BCKDHB: variants seen among roughly 807,000 people sequenced by gnomAD.
BCKDHB encodes the protein branched chain keto acid dehydrogenase E1 subunit beta, also known as 2-oxoisovalerate dehydrogenase subunit beta, mitochondrial.
A neutral mutation model predicts 48.5 loss-of-function variants in BCKDHB; 41 were observed. That is an observed-to-expected ratio of 0.85 (90% CI 0.66 to 1.10). BCKDHB has a LOEUF of 1.10. Among genes scored for constraint, BCKDHB ranks in the 50% least tolerant of loss-of-function variants. BCKDHB has a pLI of 0.00. For synonymous variants in BCKDHB, 201 were observed against 174.8 expected (o/e 1.15, Z -1.18); for missense variants, 496 against 494.2 (o/e 1.00, Z -0.03).
chr6:80,209,831 A>G (rs550764139), intron 8 of BCKDHB, among the ~76,000 whole-genome samples: 1 of 152,168 alleles, frequency 6.6e-6, no homozygotes, highest in South Asian at 2.1e-4. Flanking sequence ...TATTCATCAA[A>G]AGGGTGCCAA....
intron 8 of BCKDHB, among the ~76,000 whole-genome samples, chr6:80,211,206 A>G (rs779288878): frequency 6.6e-6 from 1 of 152,212 alleles, no homozygotes; most frequent in Non-Finnish European, 1.5e-5. Context: ...AGAAGAAAAA[A>G]CTGACACTTA....
intron 6 of BCKDHB, among the ~76,000 whole-genome samples, chr6:80,171,768 C>T (rs1448965108): frequency 6.6e-6 from 1 of 152,054 alleles, no homozygotes; most frequent in Non-Finnish European, 1.5e-5. Flanking sequence ...TCATTTAAAT[C>T]AGGATACCTT....
rs562759158 is a variant in BCKDHB, at chr6:80,118,027, G to A, written c.197-9520G>A. 2.0e-5 allele frequency among the ~76,000 whole-genome samples: 3 copies of A among 152,268 alleles called. No homozygotes were observed. The East Asian group carries it at 5.8e-4, about 29-fold the overall frequency. ...TAGACAAGTCAAGATCTTACTTTAT[G>A]AAATGTATGCAATAGGAGAGTCAGT... On this transcript the variant is annotated intron_variant, in intron 1 of 9. Coordinates refer to ENST00000320393, the MANE Select transcript of BCKDHB (RefSeq NM_183050.4).
At position 80,168,359 on chromosome 6, in the gene BCKDHB, G is replaced by GAGAGA. The variant is rs541040515; in HGVS notation, c.478-515_478-511dup. Among the ~76,000 whole-genome samples the GAGAGA allele has an allele frequency of 1.7e-3, 239 of 142,550 alleles. 1 individual carries two copies. The highest frequency in any genetic ancestry group is 5.8e-3 in the African/African-American group (225 of 38,654). 93.5% of individuals were successfully genotyped at this position (142,550 alleles called of 152,430 possible). On this transcript the variant is annotated intron_variant, in intron 4 of 9. Coordinates refer to ENST00000320393, the MANE Select transcript of BCKDHB (RefSeq NM_183050.4). ...AGAAGGGAGAGGGGAGAGAGGAGAG[G>GAGAGA]AGAGAGGAAGGGAAAGACAAGACCC...
chr6:80,334,066 A>G (rs917574603), intron 9 of BCKDHB, among the ~76,000 whole-genome samples: 4 of 152,130 alleles, frequency 2.6e-5, no homozygotes, highest in African/African-American at 9.7e-5. Context: ...TAATTCTGAA[A>G]TGTCTCCCAG....
chr6:80,294,818 A>G (rs1487347099), intron 9 of BCKDHB, among the ~76,000 whole-genome samples: 1 of 151,882 alleles, frequency 6.6e-6, no homozygotes. Flanking sequence ...ATCACTGAAC[A>G]TAGACCCTTA....
chr6:80,181,222 CTT>C (rs1347768464), intron 6 of BCKDHB, among the ~76,000 whole-genome samples: 3 of 152,104 alleles, frequency 2.0e-5, no homozygotes, highest in Non-Finnish European at 4.4e-5. Context: ...CTGATACCCT[CTT>C]GAGTTTATTT....
intron 9 of BCKDHB, among the ~76,000 whole-genome samples, chr6:80,298,751 G>A (rs1302896473): frequency 6.6e-6 from 1 of 152,166 alleles, no homozygotes; most frequent in Non-Finnish European, 1.5e-5. Context: ...AGAGAGGAAA[G>A]CGTTGCCTGT....
At chr6:80,426,938 T>C in the BCKDHB span, among the ~76,000 whole-genome samples, 1 of 152,172 alleles carries the variant, frequency 6.6e-6, no homozygotes, top group Non-Finnish European at 1.5e-5. Context: ...CTTTAAACTA[T>C]AATTTTGGAT....
the BCKDHB span, among the ~76,000 whole-genome samples, chr6:80,374,812 C>CT: frequency 1.8e-3 from 271 of 152,022 alleles, no homozygotes; most frequent in Non-Finnish European, 3.1e-3. Context: ...AGATTTAGAA[C>CT]TTTTTTTTAG....
intron 6 of BCKDHB, among the ~76,000 whole-genome samples, chr6:80,175,677 T>A (rs1340411811): frequency 6.6e-6 from 1 of 152,194 alleles, no homozygotes; most frequent in African/African-American, 2.4e-5. Flanking sequence ...TAAGCTAAGC[T>A]CCATCCATCT....
chr6:80,181,830 C>T (rs973531092), intron 6 of BCKDHB, among the ~76,000 whole-genome samples: 1 of 152,224 alleles, frequency 6.6e-6, no homozygotes, highest in Non-Finnish European at 1.5e-5. Flanking sequence ...GATGCCTACT[C>T]ATATTGCAGA....
the BCKDHB span, among the ~76,000 whole-genome samples, chr6:80,360,872 G>A: frequency 4.0e-5 from 6 of 151,800 alleles, no homozygotes; most frequent in Non-Finnish European, 8.8e-5. Flanking sequence ...AGGTGTGGTG[G>A]TACATGCCTG....
chr6:80,458,406 T>G, the BCKDHB span, among the ~76,000 whole-genome samples: 2 of 152,242 alleles, frequency 1.3e-5, no homozygotes, highest in Non-Finnish European at 2.9e-5. Context: ...TATGAATGTC[T>G]TAATTTTTCC....
At chr6:80,341,309 T>C (rs1769891690) in intron 9 of BCKDHB, among the ~76,000 whole-genome samples, 1 of 152,212 alleles carries the variant, frequency 6.6e-6, no homozygotes, top group African/African-American at 2.4e-5. Context: ...AAGAAAATCA[T>C]TATTCACTTT....
At chr6:80,135,750 A>G (rs1409501508) in intron 3 of BCKDHB, 1 of 152,172 alleles carries the variant, frequency 6.6e-6, no homozygotes, top group Non-Finnish European at 1.5e-5. Context: ...TTGTGGTGCA[A>G]TTATTACCAC....
At chr6:80,325,412 C>T (rs1029356644) in intron 9 of BCKDHB, among the ~76,000 whole-genome samples, 1 of 152,002 alleles carries the variant, frequency 6.6e-6, no homozygotes, top group Non-Finnish European at 1.5e-5. Context: ...CATTTAAGAC[C>T]CTGCAATCTA....
intron 3 of BCKDHB, among the ~76,000 whole-genome samples, chr6:80,129,598 C>T (rs4706113): frequency 0.45 from 68,917 of 151,804 alleles, 16,896 homozygotes; most frequent in East Asian, 0.7. Context: ...TATTAGCAAA[C>T]TTTATCTTTT....
At chr6:80,292,257 C>T (rs1409619255) in intron 9 of BCKDHB, among the ~76,000 whole-genome samples, 1 of 152,210 alleles carries the variant, frequency 6.6e-6, no homozygotes, top group Non-Finnish European at 1.5e-5. Flanking sequence ...TTAGTCTATT[C>T]TCACACTGCT....
Sources: allele counts gnomAD v4.1 joint callset (sites outside exome capture counted in the v4.1 genomes callset), GRCh38; gene constraint gnomAD v4.1.1; transcripts MANE v1.5; gene names NCBI Gene and HGNC (gene_info 2026-07-23, HGNC 2026-07-21).